Variants in DRC8 observed in about 807,000 individuals in gnomAD.
The protein encoded by DRC8 is dynein regulatory complex protein 8.
At chr1:245,114,081 G>A in the DRC8 span, among the ~76,000 whole-genome samples, 1 of 152,230 alleles carries the variant, frequency 6.6e-6, no homozygotes, top group Non-Finnish European at 1.5e-5. Context: ...AAAGCAGGAT[G>A]TTGTTTCTGT....
At chr1:245,071,496 C>T in the DRC8 span, among the ~76,000 whole-genome samples, 18 of 152,302 alleles carry the variant, frequency 1.2e-4, no homozygotes, top group Non-Finnish European at 1.9e-4. Flanking sequence ...TGAATTGTGT[C>T]CGTGTCCATG....
chr1:245,011,473 C>T, the DRC8 span, among the ~76,000 whole-genome samples: 2 of 152,316 alleles, frequency 1.3e-5, no homozygotes, highest in East Asian at 1.9e-4. Flanking sequence ...CAGCAAACAC[C>T]GGACTTTCAG....
chr1:244,971,958 C>CAA, the DRC8 span, among the ~76,000 whole-genome samples: 11,982 of 106,954 alleles, frequency 0.11, 834 homozygotes, highest in East Asian at 0.23. Flanking sequence ...TGTTCTTTAC[C>CAA]AAAAAAAAAA....
At chr1:245,094,555 AC>A in the DRC8 span, among the ~76,000 whole-genome samples, 1 of 152,102 alleles carries the variant, frequency 6.6e-6, no homozygotes, top group African/African-American at 2.4e-5. Context: ...TGCTGTATGG[AC>A]CCCAGGAAGA....
chr1:245,075,401 A>G, the DRC8 span, among the ~76,000 whole-genome samples: 69,631 of 152,132 alleles, frequency 0.46, 17,518 homozygotes, highest in East Asian at 0.69. Context: ...TGTTGATATT[A>G]TTAAAAAGTC....
chr1:245,060,679 T>C, the DRC8 span, among the ~76,000 whole-genome samples: 1 of 152,044 alleles, frequency 6.6e-6, no homozygotes, highest in Non-Finnish European at 1.5e-5. Flanking sequence ...GTGGAAGAGG[T>C]AAGAACTAGA....
At chr1:245,002,109 C>T in the DRC8 span, 1 of 1,588,598 alleles carries the variant, frequency 6.3e-7, no homozygotes, top group African/African-American at 1.3e-5. Context: ...TCATGTGTCT[C>T]CTTTATGCTA....
the DRC8 span, among the ~76,000 whole-genome samples, chr1:245,096,064 G>A: frequency 2.0e-5 from 3 of 152,194 alleles, no homozygotes; most frequent in African/African-American, 7.2e-5. Context: ...AATTGGATTA[G>A]CTCCAGGAAG....
At chr1:244,973,580 C>T in the DRC8 span, among the ~76,000 whole-genome samples, 3 of 152,240 alleles carry the variant, frequency 2.0e-5, no homozygotes, top group Non-Finnish European at 4.4e-5. Flanking sequence ...CTTTTCCCCT[C>T]TGCTTTACCG....
chr1:245,096,629 A>G, the DRC8 span, among the ~76,000 whole-genome samples: 2 of 152,256 alleles, frequency 1.3e-5, no homozygotes, highest in Non-Finnish European at 2.9e-5. Flanking sequence ...GGTCAATGAC[A>G]GCAGCTGGCT....
chr1:245,084,669 T>C, the DRC8 span, among the ~76,000 whole-genome samples: 1 of 152,144 alleles, frequency 6.6e-6, no homozygotes, highest in Non-Finnish European at 1.5e-5. Context: ...CCTTGCCTTC[T>C]CCCATACAAA....
chr1:245,115,980 G>A, the DRC8 span, among the ~76,000 whole-genome samples: 4 of 150,536 alleles, frequency 2.7e-5, no homozygotes, highest in African/African-American at 5.0e-5. Context: ...TCTGCCTCCC[G>A]GGTTCAAGCA....
the DRC8 span, chr1:245,123,840 G>C: frequency 2.2e-4 from 34 of 154,364 alleles, no homozygotes; most frequent in African/African-American, 7.2e-4. The surrounding 1 kb of genome is among the most constrained non-coding windows in gnomAD (Gnocchi z 5.0). Context: ...CCTGAGGTGG[G>C]TGCAGGTGGC....
chr1:245,099,385 C>T, the DRC8 span, among the ~76,000 whole-genome samples: 2 of 152,220 alleles, frequency 1.3e-5, no homozygotes, highest in African/African-American at 4.8e-5. Flanking sequence ...GAGTGACAGC[C>T]AGACCCTAGG....
chr1:245,094,665 A>C, the DRC8 span, among the ~76,000 whole-genome samples: 1 of 152,338 alleles, frequency 6.6e-6, no homozygotes, highest in Admixed American at 6.5e-5. Flanking sequence ...CGTTCCCTGC[A>C]GGGGCACCTC....
At chr1:245,068,858 T>C in the DRC8 span, among the ~76,000 whole-genome samples, 18 of 152,160 alleles carry the variant, frequency 1.2e-4, no homozygotes, top group African/African-American at 4.3e-4. Context: ...GCTTTCATTA[T>C]AAAAATGCAT....
chr1:245,097,257 A>G, the DRC8 span, among the ~76,000 whole-genome samples: 1 of 152,164 alleles, frequency 6.6e-6, no homozygotes, highest in Admixed American at 6.5e-5. This position sits in a 1 kb window ranked among gnomAD's most constrained non-coding sequence, Gnocchi z 5.0. Flanking sequence ...GTGGTGGCTC[A>G]CGCCTGTAAT....
the DRC8 span, among the ~76,000 whole-genome samples, chr1:244,997,561 G>C: frequency 1.3e-5 from 1 of 74,532 alleles, no homozygotes; most frequent in African/African-American, 5.4e-5. Flanking sequence ...TTTATTTTTT[G>C]AGACGGAGTT....
chr1:245,028,758 C>A, the DRC8 span, among the ~76,000 whole-genome samples: 18 of 152,138 alleles, frequency 1.2e-4, no homozygotes, highest in African/African-American at 3.9e-4. Context: ...GAATAAAATT[C>A]AAAGAAAAGT....
Sources: gnomAD v4.1 joint callset for allele counts (sites outside exome capture counted in the v4.1 genomes callset) on GRCh38, gnomAD v4.1.1 for gene constraint, Gnocchi (gnomAD v3.1) non-coding constraint, MANE v1.5 for transcripts, NCBI Gene and HGNC (gene_info 2026-07-23, HGNC 2026-07-21) for gene names.